The following PTPRK variants were observed in gnomAD, a reference collection of about 807,000 sequenced individuals.
PTPRK encodes protein tyrosine phosphatase receptor type K.
A neutral mutation model predicts 178.0 loss-of-function variants in PTPRK; 75 were observed. That is an observed-to-expected ratio of 0.42 (90% CI 0.35 to 0.51). PTPRK has a LOEUF of 0.51. PTPRK is among the 20% of genes least tolerant of loss of function. The pLI, the probability that PTPRK is intolerant of heterozygous loss-of-function variation, is 0.02. For synonymous variants in PTPRK, 637 were observed against 620.6 expected, an observed-to-expected ratio of 1.03 and a Z score of -0.39; for missense variants, 1,441 against 1,797.8, an observed-to-expected ratio of 0.80 and a Z score of 3.59.
chr6:128,478,956 C>T (rs1851707372), intron 1 of PTPRK, among the ~76,000 whole-genome samples: 2 of 152,022 alleles, frequency 1.3e-5, no homozygotes, highest in Admixed American at 1.3e-4. Context: ...GCTGACTCTT[C>T]CTCAGCCAGT....
chr6:128,191,946 C>T (rs947302405), intron 6 of PTPRK, among the ~76,000 whole-genome samples: 6 of 152,264 alleles, frequency 3.9e-5, no homozygotes, highest in Non-Finnish European at 8.8e-5. Flanking sequence ...TTCACACTGG[C>T]TTGACTGTGG....
At chr6:128,337,499 A>C (rs1235030148) in intron 2 of PTPRK, among the ~76,000 whole-genome samples, 1 of 152,216 alleles carries the variant, frequency 6.6e-6, no homozygotes, top group African/African-American at 2.4e-5. Context: ...TGAACCTAAC[A>C]ATAAACTTAT....
intron 7 of PTPRK, among the ~76,000 whole-genome samples, chr6:128,119,144 A>G (rs1792042255): frequency 6.6e-6 from 1 of 152,200 alleles, no homozygotes; most frequent in South Asian, 2.1e-4. Flanking sequence ...AATCTAAGCT[A>G]GTAAAGTATA....
At chr6:128,380,643 G>T (rs1837771986) in intron 2 of PTPRK, among the ~76,000 whole-genome samples, 1 of 151,748 alleles carries the variant, frequency 6.6e-6, no homozygotes, top group African/African-American at 2.4e-5. Flanking sequence ...CAGGTTTAAA[G>T]GAATCTGCAT....
Position 128,082,533 on chromosome 6 carries a change from G to A in PTPRK, c.1681C>T (p.Leu561Phe), listed in dbSNP as rs774284983. ...WNSTHHVFMHLHPGTTYQFFI... is the reference protein window; with the variant it reads ...WNSTHHVFMHFHPGTTYQFFI... ...AACTGGTACGTGGTTCCAGGGTGGA[G>A]ATGCATAAAGACATGGTGTGTACTG... Residue 561 changes from leucine (L) to phenylalanine (F), a missense_variant, in exon 10 of 30, where the codon CTC becomes TTC. Transcript: ENST00000368226. The A allele has an allele frequency of 5.6e-6, 9 of 1,612,658 alleles. No individual in the cohort carries two copies. The highest frequency in any genetic ancestry group is 6.8e-6 in the Non-Finnish European group (8 of 1,178,912).
At chr6:128,371,120 G>A (rs1478658737) in intron 2 of PTPRK, among the ~76,000 whole-genome samples, 1 of 152,064 alleles carries the variant, frequency 6.6e-6, no homozygotes, top group Non-Finnish European at 1.5e-5. Flanking sequence ...GCTTTCCCAC[G>A]CTCTTCCACT....
At chr6:128,463,054 AAATT>A in intron 1 of PTPRK, among the ~76,000 whole-genome samples, 1 of 152,278 alleles carries the variant, frequency 6.6e-6, no homozygotes, top group East Asian at 1.9e-4. Context: ...GACACTTGGA[AAATT>A]AATTAATTGG....
intron 1 of PTPRK, among the ~76,000 whole-genome samples, chr6:128,399,394 T>A (rs1464442925): frequency 1.3e-5 from 2 of 152,232 alleles, no homozygotes; most frequent in Non-Finnish European, 2.9e-5. Flanking sequence ...ATCACTCTTA[T>A]GACTACAGCA....
intron 6 of PTPRK, among the ~76,000 whole-genome samples, chr6:128,189,242 T>C (rs1301358975): frequency 5.2e-4 from 69 of 132,086 alleles, no homozygotes; most frequent in East Asian, 3.4e-3. Flanking sequence ...TTTCTTTTTT[T>C]TTTTTTTTTT....
At chr6:128,317,392 T>C (rs1828150887) in intron 3 of PTPRK, among the ~76,000 whole-genome samples, 1 of 152,118 alleles carries the variant, frequency 6.6e-6, no homozygotes, top group Non-Finnish European at 1.5e-5. Context: ...GTTTAGTCAG[T>C]GATCCACTGT....
intron 15 of PTPRK, chr6:128,001,281 A>C: frequency 1.7e-6 from 2 of 1,206,000 alleles, no homozygotes; most frequent in Non-Finnish European, 1.2e-6. Context: ...AAGCCCTTTT[A>C]AATCAGTAAG....
chr6:128,463,835 C>T (rs2128413745), intron 1 of PTPRK, among the ~76,000 whole-genome samples: 1 of 149,164 alleles, frequency 6.7e-6, no homozygotes, highest in Non-Finnish European at 1.5e-5. Context: ...CTCTGCAACG[C>T]CCGCCTCCAG....
At chr6:128,237,641 A>G (rs1813534530) in intron 5 of PTPRK, among the ~76,000 whole-genome samples, 1 of 152,226 alleles carries the variant, frequency 6.6e-6, no homozygotes, top group African/African-American at 2.4e-5. Flanking sequence ...ACATAAATGA[A>G]ATCTCTAAGG....
Position 128,397,588 on chromosome 6 carries a change from A to T in PTPRK, c.201T>A (p.Tyr67Ter). 1 of 1,614,048 alleles carries T rather than the reference A, an allele frequency of 6.2e-7. No individual in the cohort carries two copies. Among genetic ancestry groups the T allele is most frequent in the Non-Finnish European group, 8.5e-7 (1 of 1,179,954 alleles). The change falls in exon 2 of 30, where the codon TAT becomes TAA. Residue 67 changes from tyrosine (Y) to a stop codon, truncating the protein, a stop_gained. Transcript: ENST00000368226. LOFTEE classifies it high-confidence loss of function. The stretch of plus-strand genomic sequence containing the variant: ...CACCTTGGGGCATCTCGGGTGGTAG[A>T]TAATGAGGCTCTTGAGCACTAACAT... ...WVHVSAQEPH[Y>*]LPPEMPQGSY...
At chr6:128,095,583 C>T (rs1286473599) in intron 7 of PTPRK, among the ~76,000 whole-genome samples, 1 of 152,018 alleles carries the variant, frequency 6.6e-6, no homozygotes, top group Admixed American at 6.6e-5. Flanking sequence ...CCTTGGACAC[C>T]CCATCAATCA....
chr6:128,046,146 G>A (rs1256400201), intron 13 of PTPRK, among the ~76,000 whole-genome samples: 4 of 152,044 alleles, frequency 2.6e-5, no homozygotes, highest in Non-Finnish European at 4.4e-5. Context: ...GCTTGGCTTC[G>A]CTTAGATATG....
chr6:128,113,964 G>A (rs983628752), intron 7 of PTPRK, among the ~76,000 whole-genome samples: 41 of 152,056 alleles, frequency 2.7e-4, no homozygotes, highest in African/African-American at 8.7e-4. Context: ...AAAGAAAACT[G>A]TAAAGAACTA....
chr6:128,118,823 C>T (rs1324523016), intron 7 of PTPRK, among the ~76,000 whole-genome samples: 3 of 152,190 alleles, frequency 2.0e-5, no homozygotes, highest in East Asian at 1.9e-4. Context: ...AAATTTTCCT[C>T]TTAATCCTTG....
rs181221369 is a variant in PTPRK, at chr6:128,503,995, A to C, written c.100+16264T>G. On this transcript the variant is annotated intron_variant, in intron 1 of 29. Coordinates refer to ENST00000368226, the MANE Select transcript of PTPRK (RefSeq NM_002844.4). ...CCCGCCCCAATAAGGTGTTGCCAAC[A>C]AGACCATATTAAGAACACAGACTGA... Among the ~76,000 whole-genome samples the C allele has an allele frequency of 1.4e-3, 214 of 152,296 alleles. 4 individuals are homozygous for C. The highest frequency in any genetic ancestry group is 0.014 in the Admixed American group (211 of 15,294).
Sources: allele counts gnomAD v4.1 joint callset (sites outside exome capture counted in the v4.1 genomes callset), GRCh38; gene constraint gnomAD v4.1.1; transcripts MANE v1.5; gene names NCBI Gene and HGNC (gene_info 2026-07-23, HGNC 2026-07-21).